Variants in ATP11C observed in about 807,000 individuals in gnomAD.
ATP11C encodes the protein ATPase phospholipid transporting 11C (ATP11C blood group).
A neutral mutation model predicts 97.4 loss-of-function variants in ATP11C; 36 were observed. That is an observed-to-expected ratio of 0.37 (90% CI 0.28 to 0.49). The LOEUF is 0.49. ATP11C is among the 20% of genes least tolerant of loss of function. The pLI is 0.98. For synonymous variants in ATP11C, 275 were observed against 290.9 expected (o/e 0.95, Z 0.56); for missense variants, 730 against 824.6 (o/e 0.89, Z 1.40).
chrX:139,907,675 G>A (rs1375919950), intron 1 of ATP11C, among the ~76,000 whole-genome samples: 1 of 109,584 alleles, frequency 9.1e-6, no homozygotes, highest in Non-Finnish European at 1.9e-5. Context: ...TTGAACCCAG[G>A]AGGCGGAGGT....
intron 18 of ATP11C, among the ~76,000 whole-genome samples, chrX:139,778,333 G>A (rs138332223): frequency 1.8e-5 from 2 of 111,462 alleles, no homozygotes; most frequent in Non-Finnish European, 3.8e-5. Context: ...AGAAACAAAC[G>A]GATGATATTT....
At chrX:139,792,445 T>G (rs185269811) in intron 12 of ATP11C, among the ~76,000 whole-genome samples, 223 of 111,072 alleles carry the variant, frequency 2.0e-3, no homozygotes, top group African/African-American at 6.9e-3. Flanking sequence ...AGTAAACTAC[T>G]GGACCCCATT....
chrX:139,767,382 A>G (rs1369651963), intron 20 of ATP11C, among the ~76,000 whole-genome samples: 3 of 111,433 alleles, frequency 2.7e-5, no homozygotes, highest in African/African-American at 9.8e-5. Flanking sequence ...CCAACAGGAC[A>G]TGGCGACTAT....
At chrX:139,785,124 C>A in intron 16 of ATP11C, 102 bp downstream of exon 16, 1 of 600,635 alleles carries the variant, frequency 1.7e-6, no homozygotes, top group Non-Finnish European at 2.6e-6. Context: ...TTTCACTAAT[C>A]CTACACTACT....
intron 28 of ATP11C, among the ~76,000 whole-genome samples, chrX:139,735,803 T>C (rs187670324): frequency 1.8e-5 from 2 of 109,469 alleles, no homozygotes; most frequent in East Asian, 5.8e-4. Flanking sequence ...CACTGCTGAG[T>C]GCCCACAACA....
rs929811718 is a variant in ATP11C, at chrX:139,864,293, C to A, written c.28-37470G>T. On this transcript the variant is annotated intron_variant, in intron 1 of 29. Transcript: ENST00000682941. ...TGTATTTTTAGGATTTAACTTCTTACAAATGGAACCACAAACCTCTCAACT... is the reference window on the plus strand; with the variant it reads ...TGTATTTTTAGGATTTAACTTCTTAAAAATGGAACCACAAACCTCTCAACT... Among the ~76,000 whole-genome samples the A allele has an allele frequency of 2.7e-5, 3 of 111,545 alleles. No homozygotes were observed. The Admixed American group carries it at 2.9e-4, about 11-fold the overall frequency.
At chrX:139,840,960 A>G (rs1020199412) in intron 1 of ATP11C, among the ~76,000 whole-genome samples, 5 of 111,587 alleles carry the variant, frequency 4.5e-5, no homozygotes, top group Non-Finnish European at 9.4e-5. Flanking sequence ...AAATCACACT[A>G]AAGAACTTAC....
At chrX:139,774,073 T>C (rs995645589) in intron 19 of ATP11C, among the ~76,000 whole-genome samples, 2 of 112,449 alleles carry the variant, frequency 1.8e-5, no homozygotes, top group Admixed American at 9.4e-5. Flanking sequence ...TTCAAGTAAT[T>C]GGTTTAGACA....
At chrX:139,820,324 C>A (rs2083381086) in intron 2 of ATP11C, among the ~76,000 whole-genome samples, 1 of 110,843 alleles carries the variant, frequency 9.0e-6, no homozygotes, top group African/African-American at 3.3e-5. Flanking sequence ...TCGCTTGAAC[C>A]CAGGAGGCGG....
intron 12 of ATP11C, among the ~76,000 whole-genome samples, chrX:139,793,163 T>C (rs1383229154): frequency 8.9e-6 from 1 of 112,011 alleles, no homozygotes; most frequent in African/African-American, 3.2e-5. Context: ...GAAGTCTCTG[T>C]GTTGTTTGCT....
chrX:139,832,948 G>A (rs760025148), intron 1 of ATP11C, among the ~76,000 whole-genome samples: 27 of 112,117 alleles, frequency 2.4e-4, no homozygotes, highest in Admixed American at 1.4e-3. Flanking sequence ...TCATTACCTA[G>A]AAGAGATAAA....
At chrX:139,771,937 T>C (rs1226110768) in intron 19 of ATP11C, among the ~76,000 whole-genome samples, 1 of 112,243 alleles carries the variant, frequency 8.9e-6, no homozygotes, top group East Asian at 2.8e-4. Flanking sequence ...CTGCAGAAAT[T>C]TGCATAAGAA....
chrX:139,874,106 G>A (rs1433695705), intron 1 of ATP11C, among the ~76,000 whole-genome samples: 1 of 105,588 alleles, frequency 9.5e-6, no homozygotes, highest in Non-Finnish European at 1.9e-5. Context: ...GCAATGGCAC[G>A]ATCTCGGCTC....
intron 23 of ATP11C, 126 bp from the exon 24 acceptor site, chrX:139,750,278 G>A: frequency 3.4e-6 from 2 of 592,972 alleles, no homozygotes; most frequent in Non-Finnish European, 2.5e-6. Flanking sequence ...TTTGGTAGTG[G>A]CAAAGGAATC....
chrX:139,757,870 G>GAAA lies in ATP11C; in HGVS notation c.2641-6_2641-4dup, dbSNP rs752741769. 3.1e-6 allele frequency: 3 copies of GAAA among 979,243 alleles called. No individual in the cohort carries two copies. The highest frequency in any genetic ancestry group is 2.9e-5 in the Admixed American group (1 of 34,277). The allele number at this position is 979,243 out of a possible 1,213,427, so 80.7% of individuals were successfully genotyped here. A position where few individuals can be genotyped will look rare whatever the true frequency, so the allele number is the denominator to read the frequency against. ...TGTGGCAAAATGAAACAAAGGTTCT[G>GAAA]AAAAAAAAAAATTAAGACAAGGATT... On this transcript the variant is annotated splice_region_variant and splice_polypyrimidine_tract_variant and intron_variant, in intron 22 of 29. Coordinates refer to ENST00000682941, the MANE Select transcript of ATP11C (RefSeq NM_001353812.2).
chrX:139,770,343 G>A, intron 19 of ATP11C, among the ~76,000 whole-genome samples: 1 of 112,023 alleles, frequency 8.9e-6, no homozygotes, highest in South Asian at 3.8e-4. Flanking sequence ...TTTGTGAGGT[G>A]CAATATCTAA....
At chrX:139,768,195 T>TA (rs1164351246) in intron 20 of ATP11C, 65 bp downstream of exon 20, 1 of 849,663 alleles carries the variant, frequency 1.2e-6, no homozygotes, top group Non-Finnish European at 1.5e-6. Context: ...TTTAAAAAAA[T>TA]AAACATTTGC....
Position 139,788,308 on chromosome X carries a change from T to C in ATP11C, c.1404A>G (p.Leu468=). ...REELFLRALC[L]CHTVEIKTND... Reference sequence around the variant, plus strand: ...TTGTTTTGATTTCTACAGTATGACATAAACACAAGGCACGTAGAAACAGCT... The same window carrying C: ...TTGTTTTGATTTCTACAGTATGACACAAACACAAGGCACGTAGAAACAGCT... The change falls in exon 14 of 30, where the codon TTA becomes TTG. Residue 468 remains leucine, a synonymous_variant. Coordinates refer to ENST00000682941, the MANE Select transcript of ATP11C (RefSeq NM_001353812.2). The C allele has an allele frequency of 8.3e-7, 1 of 1,207,290 alleles. No homozygotes were observed.
At chrX:139,757,216 C>T (rs2081954646) in intron 23 of ATP11C, among the ~76,000 whole-genome samples, 1 of 110,117 alleles carries the variant, frequency 9.1e-6, no homozygotes, top group Admixed American at 9.7e-5. Context: ...ACTATAGCTC[C>T]TGTATTTCGC....
Sources: gnomAD v4.1 joint callset for allele counts (sites outside exome capture counted in the v4.1 genomes callset) on GRCh38, gnomAD v4.1.1 for gene constraint, MANE v1.5 for transcripts, NCBI Gene and HGNC (gene_info 2026-07-23, HGNC 2026-07-21) for gene names.